Variants in SUPT3H observed in about 807,000 individuals in gnomAD.
SUPT3H encodes the protein transcription initiation protein SPT3 homolog.
SUPT3H carries 44 observed loss-of-function variants against 44.3 expected under a neutral mutation model. The ratio of observed to expected loss-of-function variants is 0.99; its 90% CI spans 0.78 to 1.28. The LOEUF (loss-of-function observed/expected upper bound fraction) is 1.28, where lower values mean the gene tolerates loss of function less well. Ranked by LOEUF, SUPT3H falls within the 50% of genes most tolerant of loss-of-function variation. The pLI, the probability that SUPT3H is intolerant of heterozygous loss-of-function variation, is 0.00. For missense variants in SUPT3H, 380 were observed against 387.1 expected, an observed-to-expected ratio of 0.98 and a Z score of 0.15; for synonymous variants, 124 against 125.6, an observed-to-expected ratio of 0.99 and a Z score of 0.09.
intron 2 of SUPT3H, among the ~76,000 whole-genome samples, chr6:45,304,915 C>T (rs1039034582): frequency 2.6e-5 from 4 of 152,188 alleles, no homozygotes; most frequent in South Asian, 2.1e-4. Flanking sequence ...CAGCCTGAAA[C>T]GTTTATTTTT....
At chr6:45,313,099 A>C (rs758047320) in intron 2 of SUPT3H, among the ~76,000 whole-genome samples, 1 of 152,194 alleles carries the variant, frequency 6.6e-6, no homozygotes, top group South Asian at 2.1e-4. Flanking sequence ...AATGACAATA[A>C]TGACATAACT....
chr6:44,834,847 A>G (rs1035203780), intron 10 of SUPT3H, among the ~76,000 whole-genome samples: 1 of 152,130 alleles, frequency 6.6e-6, no homozygotes, highest in African/African-American at 2.4e-5. Context: ...ACAAAAGTGA[A>G]GAAACTGGTG....
intron 2 of SUPT3H, among the ~76,000 whole-genome samples, chr6:45,358,552 T>C (rs1414771276): frequency 6.6e-6 from 1 of 152,182 alleles, no homozygotes; most frequent in African/African-American, 2.4e-5. Context: ...GATGATGATA[T>C]TTATTTTTTA....
chr6:44,888,412 C>G (rs1301276890), intron 10 of SUPT3H, among the ~76,000 whole-genome samples: 1 of 152,124 alleles, frequency 6.6e-6, no homozygotes, highest in East Asian at 1.9e-4. Flanking sequence ...AAAAGCTTAT[C>G]CACCATGATC....
intron 2 of SUPT3H, among the ~76,000 whole-genome samples, chr6:45,350,634 A>C (rs1463366147): frequency 6.6e-6 from 1 of 152,174 alleles, no homozygotes; most frequent in African/African-American, 2.4e-5. Flanking sequence ...GCAAATAATA[A>C]TTTCTAAAAA....
At chr6:45,081,573 A>G (rs543085183) in intron 3 of SUPT3H, among the ~76,000 whole-genome samples, 1 of 152,258 alleles carries the variant, frequency 6.6e-6, no homozygotes, top group South Asian at 2.1e-4. Context: ...TGGTTGCCAC[A>G]TTTATCAATA....
chr6:45,259,733 T>G (rs1774048080), intron 2 of SUPT3H, among the ~76,000 whole-genome samples: 1 of 152,034 alleles, frequency 6.6e-6, no homozygotes, highest in Non-Finnish European at 1.5e-5. Flanking sequence ...GTAACTCTGG[T>G]GTCTAGTCTG....
At chr6:45,094,403 T>C (rs1797528371) in intron 3 of SUPT3H, among the ~76,000 whole-genome samples, 2 of 152,150 alleles carry the variant, frequency 1.3e-5, no homozygotes, top group Non-Finnish European at 2.9e-5. Flanking sequence ...ACAATACTTG[T>C]AATTTACTGG....
rs576422535 is a variant in SUPT3H at position 45,007,578 on chromosome 6, T to C, written c.365-3786A>G. Among the ~76,000 whole-genome samples, 175 of 152,160 alleles carry C rather than the reference T, an allele frequency of 1.2e-3. 2 individuals are homozygous for C. Among genetic ancestry groups the C allele is most frequent in the African/African-American group, 3.9e-3 (160 of 41,532 alleles). On this transcript the variant is annotated intron_variant, in intron 5 of 10. Coordinates refer to ENST00000371459, the MANE Select transcript of SUPT3H (RefSeq NM_003599.4). ...ATTACTGTGTGTTAACTCTAGAAAA[T>C]CTCTTTTGTGCTACATTTGAGTCCC...
chr6:45,335,031 T>G (rs1278266758), intron 2 of SUPT3H, among the ~76,000 whole-genome samples: 1 of 151,282 alleles, frequency 6.6e-6, no homozygotes, highest in Non-Finnish European at 1.5e-5. Flanking sequence ...TGGAATTAAT[T>G]TGCTAATAGA....
At chr6:45,022,652 C>T (rs962566259) in intron 3 of SUPT3H, among the ~76,000 whole-genome samples, 3 of 151,994 alleles carry the variant, frequency 2.0e-5, no homozygotes, top group Non-Finnish European at 4.4e-5. Flanking sequence ...CTGAAAGTAT[C>T]ACTATGTTAC....
chr6:45,323,385 T>C (rs1785835632), intron 2 of SUPT3H, among the ~76,000 whole-genome samples: 1 of 151,960 alleles, frequency 6.6e-6, no homozygotes, highest in Non-Finnish European at 1.5e-5. Context: ...TTTTAGATGA[T>C]GCCTTAACAT....
At chr6:44,944,105 T>C (rs964371698) in intron 9 of SUPT3H, among the ~76,000 whole-genome samples, 5 of 152,108 alleles carry the variant, frequency 3.3e-5, no homozygotes, top group Non-Finnish European at 7.4e-5. Context: ...TTATAATATA[T>C]ATAGATGTAG....
chr6:45,115,307 T>C (rs1032792167), intron 2 of SUPT3H, among the ~76,000 whole-genome samples: 24 of 152,134 alleles, frequency 1.6e-4, no homozygotes, highest in Middle Eastern at 3.2e-3. Flanking sequence ...ATCAGATCTT[T>C]AGAAAATTAT....
intron 10 of SUPT3H, among the ~76,000 whole-genome samples, chr6:44,857,032 TA>T (rs1326189174): frequency 9.9e-5 from 15 of 152,188 alleles, no homozygotes; most frequent in Non-Finnish European, 4.4e-5. Flanking sequence ...TATCATAAAC[TA>T]ACCCAAAACA....
chr6:45,305,704 G>A (rs1411537823), intron 2 of SUPT3H, among the ~76,000 whole-genome samples: 1 of 152,128 alleles, frequency 6.6e-6, no homozygotes, highest in East Asian at 1.9e-4. Context: ...TAATGGAAAT[G>A]ACATCACCAA....
intron 11 of SUPT3H, among the ~76,000 whole-genome samples, chr6:44,818,223 G>C (rs1231996050): frequency 6.6e-6 from 1 of 151,574 alleles, no homozygotes; most frequent in Non-Finnish European, 1.5e-5. Flanking sequence ...CTCAACGAGT[G>C]GTATTGAAAC....
chr6:45,237,246 A>C (rs1325135460), intron 2 of SUPT3H, among the ~76,000 whole-genome samples: 1 of 152,208 alleles, frequency 6.6e-6, no homozygotes, highest in Non-Finnish European at 1.5e-5. Context: ...TGGACATTTC[A>C]ATCATTTCTC....
At chr6:45,158,118 T>C (rs1449792275) in intron 2 of SUPT3H, among the ~76,000 whole-genome samples, 1 of 145,784 alleles carries the variant, frequency 6.9e-6, no homozygotes, top group South Asian at 2.1e-4. Flanking sequence ...TATATAATTA[T>C]TTTATAAATT....
Sources: allele counts gnomAD v4.1 joint callset (sites outside exome capture counted in the v4.1 genomes callset), GRCh38; gene constraint gnomAD v4.1.1; transcripts MANE v1.5; gene names NCBI Gene and HGNC (gene_info 2026-07-23, HGNC 2026-07-21).